SLMAP: variants seen among roughly 807,000 people sequenced by gnomAD.
SLMAP encodes the protein sarcolemma associated protein.
Under a neutral mutation model 128.8 loss-of-function variants are expected in SLMAP, and 44 were observed. The ratio of observed to expected loss-of-function variants is 0.34; its 90% confidence interval spans 0.27 to 0.44. The LOEUF is 0.44. Ranked by LOEUF, SLMAP falls within the 20% of genes least tolerant of loss-of-function variation. The probability of loss-of-function intolerance (pLI) is 1.00; values close to 1 mark genes in which losing one functional copy is unlikely to be tolerated. For synonymous variants in SLMAP, 327 were observed against 348.8 expected, an observed-to-expected ratio of 0.94 and a Z score of 0.70; for missense variants, 787 against 985.3, an observed-to-expected ratio of 0.80 and a Z score of 2.69.
chr3:57,791,576 GA>G (rs1030675383), intron 2 of SLMAP, among the ~76,000 whole-genome samples: 5 of 151,176 alleles, frequency 3.3e-5, no homozygotes, highest in African/African-American at 7.3e-5. Context: ...TGAGAAGGGG[GA>G]AAAAAAAGTT....
In SLMAP at chr3:57,861,915, T is replaced by C. The variant is rs567657326; in HGVS notation, c.829-34T>C. 1.7e-5 allele frequency: 26 copies of C among 1,571,700 alleles called. No homozygotes were observed. In the Admixed American group the frequency reaches 2.9e-4, roughly 18 times the overall value. ...ATTCTAAATAACAAATATACACTTATTCTAATTAAATTGCCTGTAAACTTG... is the reference window on the plus strand; with the variant it reads ...ATTCTAAATAACAAATATACACTTACTCTAATTAAATTGCCTGTAAACTTG... On this transcript the variant is annotated intron_variant, in intron 9 of 24. Coordinates refer to ENST00000671191, the MANE Select transcript of SLMAP (RefSeq NM_001377540.1).
intron 17 of SLMAP, among the ~76,000 whole-genome samples, chr3:57,904,339 G>A (rs981414337): frequency 8.5e-5 from 13 of 152,126 alleles, no homozygotes; most frequent in African/African-American, 2.9e-4. Flanking sequence ...TGTGAGAATC[G>A]CTTGAGCCCA....
chr3:57,913,301 G>T, intron 21 of SLMAP, 26 bp downstream of exon 21: 1 of 957,164 alleles, frequency 1.0e-6, no homozygotes, highest in South Asian at 1.7e-5. Flanking sequence ...CTGTTTTTCA[G>T]ATATAAAATA....
intron 17 of SLMAP, chr3:57,898,114 C>T (rs928466091): frequency 6.6e-6 from 1 of 152,132 alleles, no homozygotes; most frequent in African/African-American, 2.4e-5. Flanking sequence ...CTTGTCCAGA[C>T]CCCGAGCTTT....
chr3:57,926,469 T>C (rs539264020), intron 24 of SLMAP, among the ~76,000 whole-genome samples: 4 of 152,210 alleles, frequency 2.6e-5, no homozygotes, highest in Non-Finnish European at 5.9e-5. Flanking sequence ...CTCAACCCTA[T>C]TGTGTACTTG....
chr3:57,853,846 C>A (rs1417875175), intron 6 of SLMAP, among the ~76,000 whole-genome samples: 2 of 148,560 alleles, frequency 1.3e-5, no homozygotes, highest in African/African-American at 2.5e-5. Flanking sequence ...GAGGCTGAGG[C>A]AGGAGAATGA....
chr3:57,837,984 C>G (rs114124741), intron 3 of SLMAP, among the ~76,000 whole-genome samples: 1,928 of 152,284 alleles, frequency 0.013, 28 homozygotes, highest in African/African-American at 0.044. Flanking sequence ...TGTGCAGCAA[C>G]TCTGTACTGC....
At chr3:57,844,061 T>C (rs1415141386) in intron 4 of SLMAP, among the ~76,000 whole-genome samples, 3 of 144,854 alleles carry the variant, frequency 2.1e-5, no homozygotes, top group Non-Finnish European at 4.5e-5. Flanking sequence ...ATTACAGGCA[T>C]GAGCCACTGC....
intron 2 of SLMAP, among the ~76,000 whole-genome samples, chr3:57,776,520 C>CTG (rs2081971708): frequency 1.3e-3 from 140 of 111,470 alleles, no homozygotes; most frequent in African/African-American, 4.7e-3. Flanking sequence ...CTCTCTCTCT[C>CTG]TCTTTTTTTT....
chr3:57,812,084 G>A (rs894039935), intron 2 of SLMAP, among the ~76,000 whole-genome samples: 6 of 152,106 alleles, frequency 3.9e-5, no homozygotes, highest in Non-Finnish European at 7.4e-5. Flanking sequence ...TTTTCATGAA[G>A]TCCCCTTTGT....
Position 57,772,363 on chromosome 3 carries a change from A to C in SLMAP, c.198+14514A>C, listed in dbSNP as rs1047746804. Among the ~76,000 whole-genome samples the C allele has an allele frequency of 3.3e-5, 5 of 152,246 alleles. No homozygotes were observed. The East Asian group carries it at 9.6e-4, about 29-fold the overall frequency. On this transcript the variant is annotated intron_variant, in intron 2 of 24. Transcript: ENST00000671191. ...TGTTGATAGCTGATTTAAGAAGAAT[A>C]GCAGTATGTTGAAAGGGGATTGGGT...
Position 57,757,742 on chromosome 3 carries a change from G to A in SLMAP, c.91G>A (p.Gly31Ser). 3 of 1,614,092 alleles carry A rather than the reference G, an allele frequency of 1.9e-6. No homozygotes were observed. The highest frequency in any genetic ancestry group is 2.5e-6 in the Non-Finnish European group (3 of 1,180,040). ...CTACCTGGACGAGCCCATCAAAATC[G>A]GCCGCTCAGTGGCCCGCTGTCGACC... ...HVYLDEPIKI[G>S]RSVARCRPAQ... The change falls in exon 2 of 25, where the codon GGC becomes AGC. Residue 31 changes from glycine to serine, a missense_variant. By Grantham distance (56) the Gly-to-Ser change is moderately conservative. Transcript: ENST00000671191.
intron 2 of SLMAP, among the ~76,000 whole-genome samples, chr3:57,801,711 T>C (rs1489412997): frequency 6.6e-6 from 1 of 152,074 alleles, no homozygotes; most frequent in Non-Finnish European, 1.5e-5. Context: ...CTTTATTCAT[T>C]TTTTAAATTA....
At chr3:57,778,687 G>A (rs551980027) in intron 2 of SLMAP, among the ~76,000 whole-genome samples, 22 of 148,174 alleles carry the variant, frequency 1.5e-4, no homozygotes, top group African/African-American at 2.7e-4. Flanking sequence ...CAATCTTCCC[G>A]TCCTCAGCCT....
At position 57,799,447 on chromosome 3, in the gene SLMAP, A is replaced by C. The variant is rs2087641058; in HGVS notation, c.199-31936A>C. On this transcript the variant is annotated intron_variant, in intron 2 of 24. Transcript: ENST00000671191. The stretch of plus-strand genomic sequence containing the variant: ...TGCAGAGATGTAACTCAGTGCCTCC[A>C]AATTCCCCACGTTTACTTTTTGTAT... 1.3e-5 allele frequency among the ~76,000 whole-genome samples: 2 copies of C among 152,226 alleles called. 1 individual carries two copies. Among genetic ancestry groups the C allele is most frequent in the South Asian group, 4.1e-4 (2 of 4,836 alleles).
intron 6 of SLMAP, among the ~76,000 whole-genome samples, chr3:57,850,956 A>C (rs926405918): frequency 2.0e-5 from 3 of 152,198 alleles, no homozygotes; most frequent in Non-Finnish European, 4.4e-5. Context: ...TTTAAATAAA[A>C]AATAACTGGG....
intron 15 of SLMAP, among the ~76,000 whole-genome samples, chr3:57,893,016 G>A (rs2096131429): frequency 6.6e-6 from 1 of 151,668 alleles, no homozygotes; most frequent in Non-Finnish European, 1.5e-5. Flanking sequence ...TGTAGTTTTA[G>A]TAGAGATGGA....
At chr3:57,885,291 C>G (rs752315738) in intron 14 of SLMAP, among the ~76,000 whole-genome samples, 1 of 151,312 alleles carries the variant, frequency 6.6e-6, no homozygotes, top group South Asian at 2.1e-4. Context: ...AGTCTGGTCT[C>G]GAACTCCCGA....
intron 2 of SLMAP, among the ~76,000 whole-genome samples, chr3:57,813,086 G>A (rs998100681): frequency 3.5e-5 from 5 of 141,516 alleles, no homozygotes; most frequent in Admixed American, 7.0e-5. Context: ...TGTCCTTTCC[G>A]TTTGGATGCT....
Sources: gnomAD v4.1 joint callset for allele counts (sites outside exome capture counted in the v4.1 genomes callset) on GRCh38, gnomAD v4.1.1 for gene constraint, MANE v1.5 for transcripts, NCBI Gene and HGNC (gene_info 2026-07-23, HGNC 2026-07-21) for gene names.